KLHL29: variants seen among roughly 807,000 people sequenced by gnomAD.
KLHL29 encodes kelch-like protein 29.
A neutral mutation model predicts 80.4 loss-of-function variants in KLHL29; 21 were observed. The observed-to-expected ratio is 0.26, with a 90% CI of 0.19 to 0.38. The LOEUF (loss-of-function observed/expected upper bound fraction) is 0.38, where lower values mean the gene tolerates loss of function less well. Ranked by LOEUF, KLHL29 falls within the 10% of genes least tolerant of loss-of-function variation. The pLI is 1.00. For synonymous variants in KLHL29, 511 were observed against 526.8 expected, an observed-to-expected ratio of 0.97 and a Z score of 0.41; for missense variants, 867 against 1,223.9, an observed-to-expected ratio of 0.71 and a Z score of 4.35.
chr2:23,671,984 G>A (rs558128636), intron 5 of KLHL29: 74 of 152,480 alleles, frequency 4.9e-4, no homozygotes, highest in African/African-American at 1.7e-3. Flanking sequence ...TGGGTCCTGT[G>A]GTTGGCATCC....
rs576455567 is a variant in KLHL29, at chr2:23,540,925, G to A, written c.-45-21227G>A. Reference sequence around the variant, plus strand: ...TCATATATCGTATCTATGGGATTTGGGTCTGTTTGGGTCATGGACCCTGAT... The same window carrying A: ...TCATATATCGTATCTATGGGATTTGAGTCTGTTTGGGTCATGGACCCTGAT... On this transcript the variant is annotated intron_variant, in intron 2 of 13. Transcript: ENST00000486442. 3.9e-5 allele frequency among the ~76,000 whole-genome samples: 6 copies of A among 152,282 alleles called. No individual in the cohort carries two copies. In the East Asian group the frequency reaches 1.2e-3, roughly 29 times the overall value.
At chr2:23,407,695 T>C (rs1666766754) in intron 1 of KLHL29, among the ~76,000 whole-genome samples, 1 of 152,206 alleles carries the variant, frequency 6.6e-6, no homozygotes, top group African/African-American at 2.4e-5. Context: ...GCTTTGGATA[T>C]CTGCGCAGTT....
At chr2:23,530,551 T>G (rs1666458774) in intron 2 of KLHL29, among the ~76,000 whole-genome samples, 1 of 152,218 alleles carries the variant, frequency 6.6e-6, no homozygotes, top group African/African-American at 2.4e-5. Context: ...CGAAAGTGAA[T>G]TGTTCACACT....
chr2:23,437,032 G>T (rs1479776542), intron 1 of KLHL29, among the ~76,000 whole-genome samples: 1 of 152,154 alleles, frequency 6.6e-6, no homozygotes, highest in Non-Finnish European at 1.5e-5. Context: ...AAAGCTCCTG[G>T]CAAGATCCAG....
chr2:23,494,683 C>T (rs957018960), intron 2 of KLHL29, among the ~76,000 whole-genome samples: 4 of 152,172 alleles, frequency 2.6e-5, no homozygotes, highest in Non-Finnish European at 4.4e-5. Context: ...ATGAGTGACC[C>T]CAAACCCCCA....
chr2:23,670,922 CTCTCTCTCTCTCTCT>C (rs1670708830), intron 5 of KLHL29, among the ~76,000 whole-genome samples: 1 of 2,334 alleles, frequency 4.3e-4, no homozygotes, highest in African/African-American at 1.5e-3. Flanking sequence ...CACGCGCTCT[CTCTCTCTCTCTCTCT>C]CTCTCTCTCT....
At chr2:23,525,215 C>T (rs533110427) in intron 2 of KLHL29, among the ~76,000 whole-genome samples, 2 of 152,366 alleles carry the variant, frequency 1.3e-5, no homozygotes, top group South Asian at 2.1e-4. Context: ...ACTGAGAATA[C>T]AGGCTAAGGC....
At chr2:23,399,848 G>T (rs1455380473) in intron 1 of KLHL29, among the ~76,000 whole-genome samples, 2 of 152,194 alleles carry the variant, frequency 1.3e-5, no homozygotes, top group East Asian at 3.9e-4. Context: ...TGCCCTGCTG[G>T]TCTTGCTCAG....
At chr2:23,628,072 C>T (rs943789023) in intron 3 of KLHL29, among the ~76,000 whole-genome samples, 1 of 151,804 alleles carries the variant, frequency 6.6e-6, no homozygotes, top group Non-Finnish European at 1.5e-5. Context: ...GCCACTGCAC[C>T]CAGCTAATTT....
intron 2 of KLHL29, among the ~76,000 whole-genome samples, chr2:23,513,671 C>T (rs1368450421): frequency 1.3e-5 from 2 of 152,192 alleles, no homozygotes; most frequent in Non-Finnish European, 2.9e-5. Flanking sequence ...CGAGTCTCCT[C>T]CTCCTTCCCA....
chr2:23,553,362 A>T (rs1667177434), intron 2 of KLHL29, among the ~76,000 whole-genome samples: 1 of 152,252 alleles, frequency 6.6e-6, no homozygotes, highest in Non-Finnish European at 1.5e-5. Context: ...GGAGCTAAAA[A>T]TAAATCCACA....
At chr2:23,502,996 C>T (rs1665497884) in intron 2 of KLHL29, among the ~76,000 whole-genome samples, 1 of 151,622 alleles carries the variant, frequency 6.6e-6, no homozygotes, top group Non-Finnish European at 1.5e-5. Context: ...TTTTTTTTGG[C>T]CTGTCTTACC....
intron 3 of KLHL29, among the ~76,000 whole-genome samples, chr2:23,627,308 C>T (rs1669340010): frequency 6.6e-6 from 1 of 152,220 alleles, no homozygotes; most frequent in African/African-American, 2.4e-5. Context: ...CAAAGAACAC[C>T]ACGCCCTCAG....
intron 2 of KLHL29, among the ~76,000 whole-genome samples, chr2:23,536,508 G>T (rs1178629093): frequency 6.6e-6 from 1 of 152,166 alleles, no homozygotes; most frequent in Non-Finnish European, 1.5e-5. Flanking sequence ...TTTGCCTCAG[G>T]GACCATTTTT....
At chr2:23,525,293 C>T (rs966749466) in intron 2 of KLHL29, among the ~76,000 whole-genome samples, 7 of 152,224 alleles carry the variant, frequency 4.6e-5, no homozygotes, top group African/African-American at 1.4e-4. Flanking sequence ...CCTGAGCCTG[C>T]GGGACTGGGA....
Position 23,642,569 on chromosome 2 carries a change from A to G in KLHL29, c.659A>G (p.Asn220Ser), listed in dbSNP as rs776085681. Reference protein sequence around the residue: ...PSQPLSSVVVNMPAQALYASP... With the variant: ...PSQPLSSVVVSMPAQALYASP... Reference sequence around the variant, plus strand: ...CAGCCACTGAGCAGCGTGGTGGTCAACATGCCTGCCCAGGCCCTGTATGCC... The same window carrying G: ...CAGCCACTGAGCAGCGTGGTGGTCAGCATGCCTGCCCAGGCCCTGTATGCC... Residue 220 changes from asparagine to serine, a missense_variant, in exon 5 of 14, where the codon AAC becomes AGC. Around this residue, in one of 2 missense-constraint regions of KLHL29, gnomAD observed 424 missense variants for 456.9 expected, o/e 0.93. Transcript: ENST00000486442. 1.0e-5 allele frequency: 16 copies of G among 1,549,280 alleles called. No homozygotes were observed. The highest frequency in any genetic ancestry group is 1.4e-5 in the Non-Finnish European group (16 of 1,145,978).
At chr2:23,605,081 G>A (rs901369994) in intron 3 of KLHL29, among the ~76,000 whole-genome samples, 26 of 151,022 alleles carry the variant, frequency 1.7e-4, no homozygotes, top group Admixed American at 3.3e-4. Flanking sequence ...GGAGGGCAGC[G>A]TGGCCCTGTT....
intron 2 of KLHL29, among the ~76,000 whole-genome samples, chr2:23,538,671 C>T (rs1666747464): frequency 6.6e-6 from 1 of 152,192 alleles, no homozygotes; most frequent in African/African-American, 2.4e-5. Context: ...GTCTGGGCTG[C>T]ACATTTGTGA....
intron 1 of KLHL29, among the ~76,000 whole-genome samples, chr2:23,424,887 C>T (rs886575164): frequency 1.2e-4 from 19 of 152,318 alleles, no homozygotes; most frequent in African/African-American, 4.6e-4. Context: ...CGAATTCTAA[C>T]GATCGGGTCA....
Sources: allele counts gnomAD v4.1 joint callset (sites outside exome capture counted in the v4.1 genomes callset), GRCh38; gene constraint gnomAD v4.1.1; regional missense constraint gnomAD v4.1.1; transcripts MANE v1.5; gene names NCBI Gene and HGNC (gene_info 2026-07-23, HGNC 2026-07-21).